The following VAT1L variants were observed in gnomAD, a reference collection of about 807,000 sequenced individuals.
VAT1L encodes vesicle amine transport 1 like.
A neutral mutation model predicts 44.1 loss-of-function variants in VAT1L; 34 were observed. The observed-to-expected ratio is 0.77, with a 90% CI of 0.59 to 1.03. The LOEUF (loss-of-function observed/expected upper bound fraction) is 1.03, where lower values mean the gene tolerates loss of function less well. Among genes scored for constraint, VAT1L ranks in the 50% least tolerant of loss-of-function variants. The pLI, the probability that VAT1L is intolerant of heterozygous loss-of-function variation, is 0.00. For synonymous variants in VAT1L, 253 were observed against 202.2 expected, an observed-to-expected ratio of 1.25 and a Z score of -2.13; for missense variants, 615 against 538.8, an observed-to-expected ratio of 1.14 and a Z score of -1.40.
Position 77,887,887 on chromosome 16 carries a change from C to T in VAT1L, c.1077+3085C>T, listed in dbSNP as rs532708663. On this transcript the variant is annotated intron_variant, in intron 7 of 8. Coordinates refer to ENST00000302536, the MANE Select transcript of VAT1L (RefSeq NM_020927.3). ...ATGGCTTCCTGCTATACCTGAAATA[C>T]AGTCTAAATTCCTCATTGAGGTCTG... Among the ~76,000 whole-genome samples the T allele has an allele frequency of 7.9e-5, 12 of 152,270 alleles. No homozygotes were observed. The South Asian group carries it at 2.5e-3, about 32-fold the overall frequency.
chr16:77,918,015 G>C (rs2017569015), intron 7 of VAT1L, among the ~76,000 whole-genome samples: 1 of 152,176 alleles, frequency 6.6e-6, no homozygotes, highest in Non-Finnish European at 1.5e-5. Flanking sequence ...GGGAAATAGG[G>C]AAAGAAAGAG....
intron 2 of VAT1L, among the ~76,000 whole-genome samples, chr16:77,824,495 C>G (rs1237761236): frequency 2.6e-5 from 4 of 152,066 alleles, no homozygotes; most frequent in Admixed American, 2.6e-4. Flanking sequence ...GTGGCTCACG[C>G]CTGTAATCCC....
At chr16:77,819,752 G>C (rs1025221668) in intron 2 of VAT1L, among the ~76,000 whole-genome samples, 1 of 152,236 alleles carries the variant, frequency 6.6e-6, no homozygotes, top group Non-Finnish European at 1.5e-5. Context: ...CTCACTGACA[G>C]TGGGACAGCC....
At chr16:77,961,046 A>G (rs1039634773) in intron 7 of VAT1L, among the ~76,000 whole-genome samples, 4 of 152,150 alleles carry the variant, frequency 2.6e-5, no homozygotes, top group African/African-American at 9.7e-5. Context: ...GTCTAGCTAC[A>G]CAGAGTGAAA....
intron 7 of VAT1L, among the ~76,000 whole-genome samples, chr16:77,922,319 T>TG (rs2017620611): frequency 6.6e-6 from 1 of 152,168 alleles, no homozygotes; most frequent in African/African-American, 2.4e-5. Flanking sequence ...GCTGAGTTTC[T>TG]CAGAGCCACA....
Position 77,828,461 on chromosome 16 carries a change from C to T in VAT1L, c.579+3000C>T, listed in dbSNP as rs765150496. Among the ~76,000 whole-genome samples, 9 of 152,106 alleles carry T rather than the reference C, an allele frequency of 5.9e-5. No homozygotes were observed. In the South Asian group the frequency reaches 1.0e-3, roughly 18 times the overall value. ...GGCGGATCACCTGAGGTCGGGAGTT[C>T]GAGACCAGCCTGGCCAACGTGGAGA... On this transcript the variant is annotated intron_variant, in intron 3 of 8. Coordinates refer to ENST00000302536, the MANE Select transcript of VAT1L (RefSeq NM_020927.3).
intron 7 of VAT1L, among the ~76,000 whole-genome samples, chr16:77,968,402 G>T (rs1490336774): frequency 1.3e-5 from 2 of 152,196 alleles, no homozygotes; most frequent in Non-Finnish European, 2.9e-5. Context: ...CGTTCACCCT[G>T]GGTACAATGC....
At chr16:77,853,375 G>T (rs1179186167) in intron 3 of VAT1L, among the ~76,000 whole-genome samples, 1 of 152,200 alleles carries the variant, frequency 6.6e-6, no homozygotes, top group Non-Finnish European at 1.5e-5. Context: ...GAGCAAATTA[G>T]AAGGATGCCT....
intron 7 of VAT1L, among the ~76,000 whole-genome samples, chr16:77,971,251 C>T (rs2018274976): frequency 6.6e-6 from 1 of 152,282 alleles, no homozygotes; most frequent in African/African-American, 2.4e-5. Flanking sequence ...TCCCAGGAGA[C>T]ACCTGTTGGC....
At chr16:77,868,637 C>T (rs1356294977) in intron 4 of VAT1L, among the ~76,000 whole-genome samples, 1 of 152,192 alleles carries the variant, frequency 6.6e-6, no homozygotes, top group Non-Finnish European at 1.5e-5. Context: ...ATCTTTCTAG[C>T]ACCCACACTG....
At chr16:77,799,478 T>C (rs551762012) in intron 1 of VAT1L, among the ~76,000 whole-genome samples, 1 of 151,174 alleles carries the variant, frequency 6.6e-6, no homozygotes, top group Admixed American at 6.6e-5. Flanking sequence ...GTAAGCATCA[T>C]GTCTGACAGC....
intron 7 of VAT1L, among the ~76,000 whole-genome samples, chr16:77,923,119 C>G (rs956926926): frequency 6.6e-6 from 1 of 152,170 alleles, no homozygotes; most frequent in Non-Finnish European, 1.5e-5. Context: ...ACCCCCCGAA[C>G]CTCGGCTTCT....
chr16:77,925,063 C>G (rs1037446753), intron 7 of VAT1L, among the ~76,000 whole-genome samples: 5 of 152,166 alleles, frequency 3.3e-5, no homozygotes, highest in Non-Finnish European at 5.9e-5. Flanking sequence ...ATGTAAAGCT[C>G]CTCATGGAAT....
chr16:77,949,322 G>A (rs2018011781), intron 7 of VAT1L, among the ~76,000 whole-genome samples: 1 of 152,146 alleles, frequency 6.6e-6, no homozygotes, highest in Non-Finnish European at 1.5e-5. Flanking sequence ...GGGAGGTGGA[G>A]GCAATGGCAG....
chr16:77,809,591 AAAAT>A (rs1352524710), intron 1 of VAT1L, among the ~76,000 whole-genome samples: 2 of 152,200 alleles, frequency 1.3e-5, no homozygotes, highest in African/African-American at 2.4e-5. Context: ...ACTTTCAGAA[AAAAT>A]AAATGTCATG....
intron 7 of VAT1L, among the ~76,000 whole-genome samples, chr16:77,914,089 T>G (rs527867851): frequency 6.6e-6 from 1 of 152,334 alleles, no homozygotes; most frequent in South Asian, 2.1e-4. Flanking sequence ...TTAGACAATC[T>G]GAATTACAAA....
chr16:77,820,138 A>C (rs2016426099), intron 2 of VAT1L, among the ~76,000 whole-genome samples: 1 of 152,294 alleles, frequency 6.6e-6, no homozygotes. Flanking sequence ...AATTATTTGT[A>C]TCTGGAATCA....
At chr16:77,793,077 G>C (rs978342073) in intron 1 of VAT1L, among the ~76,000 whole-genome samples, 1 of 152,030 alleles carries the variant, frequency 6.6e-6, no homozygotes, top group Non-Finnish European at 1.5e-5. Flanking sequence ...TTTACTTTTG[G>C]TTGCCATAGA....
At chr16:77,943,297 T>G (rs1014211816) in intron 7 of VAT1L, among the ~76,000 whole-genome samples, 1 of 151,508 alleles carries the variant, frequency 6.6e-6, no homozygotes, top group Non-Finnish European at 1.5e-5. Flanking sequence ...CCTCAGGTGA[T>G]CCACCCGCCT....
Sources: allele counts gnomAD v4.1 joint callset (sites outside exome capture counted in the v4.1 genomes callset), GRCh38; gene constraint gnomAD v4.1.1; transcripts MANE v1.5; gene names NCBI Gene and HGNC (gene_info 2026-07-23, HGNC 2026-07-21).